SLC39A8: variants seen among roughly 807,000 people sequenced by gnomAD.
SLC39A8 encodes metal cation symporter ZIP8.
A neutral mutation model predicts 40.4 loss-of-function variants in SLC39A8; 15 were observed. The ratio of observed to expected loss-of-function variants is 0.37; its 90% CI spans 0.25 to 0.57. The LOEUF (loss-of-function observed/expected upper bound fraction) is 0.57, where lower values mean the gene tolerates loss of function less well. SLC39A8 is among the 20% of genes least tolerant of loss of function. The probability of loss-of-function intolerance (pLI) is 0.75; values close to 1 mark genes in which losing one functional copy is unlikely to be tolerated. For synonymous variants in SLC39A8, 223 were observed against 221.6 expected (o/e 1.01, Z -0.06); for missense variants, 472 against 558.8 (o/e 0.84, Z 1.57).
intron 2 of SLC39A8, among the ~76,000 whole-genome samples, chr4:102,329,007 G>A (rs1288076263): frequency 6.8e-6 from 1 of 147,496 alleles, no homozygotes; most frequent in East Asian, 2.0e-4. Context: ...CAGCTTGGGT[G>A]ACAGAGAGAG....
chr4:102,335,292 C>T (rs1735618916), intron 2 of SLC39A8, among the ~76,000 whole-genome samples: 1 of 152,122 alleles, frequency 6.6e-6, no homozygotes, highest in Admixed American at 6.5e-5. Flanking sequence ...GGAACTTTTG[C>T]CAAGCTCAGA....
At chr4:102,251,938 T>C (rs1309130671) in exon 12 of SLC39A8, 1 of 152,252 alleles carries the variant, frequency 6.6e-6, no homozygotes, top group Non-Finnish European at 1.5e-5. Flanking sequence ...GTAATTCAAA[T>C]AGTCAATATG....
chr4:102,326,452 T>G (rs1050010194), intron 2 of SLC39A8, among the ~76,000 whole-genome samples: 1 of 152,012 alleles, frequency 6.6e-6, no homozygotes, highest in African/African-American at 2.4e-5. Context: ...TCCCAGCTAC[T>G]CGGGAGGCTG....
intron 3 of SLC39A8, among the ~76,000 whole-genome samples, chr4:102,310,254 A>G (rs1431522121): frequency 1.3e-5 from 2 of 152,064 alleles, no homozygotes; most frequent in Non-Finnish European, 1.5e-5. Context: ...GATCTCCTCT[A>G]TGAAGCTTCC....
chr4:102,307,620 G>GA lies in SLC39A8; in HGVS notation c.383-16dup. On this transcript the variant is annotated splice_polypyrimidine_tract_variant and intron_variant, in intron 3 of 8. Coordinates refer to ENST00000356736, the MANE Select transcript of SLC39A8 (RefSeq NM_001135146.2). ...ATATCCCCAAACTGTGGGTCAGAGG[G>GA]AAAAGAGAGTAGAAATTAATCAGAG... The GA allele has an allele frequency of 1.2e-6, 2 of 1,606,810 alleles. No homozygotes were observed. Among genetic ancestry groups the GA allele is most frequent in the Non-Finnish European group, 1.7e-6 (2 of 1,176,764 alleles).
chr4:102,328,148 G>T (rs933585853), intron 2 of SLC39A8, among the ~76,000 whole-genome samples: 9 of 151,978 alleles, frequency 5.9e-5, no homozygotes, highest in Non-Finnish European at 1.0e-4. Context: ...ATTCTTTTAG[G>T]TTTTTTATGT....
At chr4:102,280,808 C>T (rs1241376222) in intron 6 of SLC39A8, among the ~76,000 whole-genome samples, 1 of 152,094 alleles carries the variant, frequency 6.6e-6, no homozygotes, top group East Asian at 1.9e-4. Context: ...AGAAACCTCG[C>T]AAGTTGTTTC....
downstream of SLC39A8, among the ~76,000 whole-genome samples, chr4:102,257,641 T>C (rs891766688): frequency 2.0e-5 from 3 of 152,156 alleles, no homozygotes; most frequent in African/African-American, 7.2e-5. Flanking sequence ...AAAAGCAGGA[T>C]ACAGAAGGGT....
chr4:102,304,663 TCTG>T (rs1379215932), intron 5 of SLC39A8, among the ~76,000 whole-genome samples, 182 bp from the exon 6 acceptor site: 4 of 151,918 alleles, frequency 2.6e-5, no homozygotes, highest in Admixed American at 1.3e-4. Context: ...TTTATTAGAT[TCTG>T]CTGTTACTGT....
chr4:102,262,991 G>GA lies in SLC39A8; in HGVS notation c.*52dup. 1 of 1,516,274 alleles carries GA rather than the reference G, an allele frequency of 6.6e-7. No individual in the cohort carries two copies. The highest frequency in any genetic ancestry group is 2.3e-5 in the East Asian group (1 of 42,702). The allele number at this position is 1,516,274 out of a possible 1,614,324, so 93.9% of individuals were successfully genotyped here. On this transcript the variant is annotated 3_prime_UTR_variant, in exon 9 of 9. Coordinates refer to ENST00000356736, the MANE Select transcript of SLC39A8 (RefSeq NM_001135146.2). ...GATCAGCTTCAAAATCCTTTTTGGA[G>GA]ATGTTTTTATCTATTAAATGCCTTT...
rs564697912 is a variant in SLC39A8 at position 102,327,784 on chromosome 4, G to T, written c.220-11954C>A. ...TGTAGATTAAGGAAAGAAGGTGAAT[G>T]AAAGGAGATTTCAAACTAGCACACT... On this transcript the variant is annotated intron_variant, in intron 2 of 8. Transcript: ENST00000356736. Among the ~76,000 whole-genome samples, 4 of 152,326 alleles carry T rather than the reference G, an allele frequency of 2.6e-5. No individual in the cohort carries two copies. The South Asian group carries it at 8.3e-4, about 32-fold the overall frequency.
chr4:102,293,505 G>T (rs999938186), intron 6 of SLC39A8, among the ~76,000 whole-genome samples: 6 of 151,948 alleles, frequency 3.9e-5, no homozygotes, highest in African/African-American at 1.4e-4. Flanking sequence ...AAACAATACT[G>T]GGAGAATTCA....
At chr4:102,333,395 C>A (rs1225249664) in intron 2 of SLC39A8, among the ~76,000 whole-genome samples, 1 of 152,046 alleles carries the variant, frequency 6.6e-6, no homozygotes, top group African/African-American at 2.4e-5. Context: ...CCCCATTACA[C>A]AAAGAGGATG....
chr4:102,324,384 ACTCCGG>A (rs1735106516), intron 2 of SLC39A8: 1 of 152,980 alleles, frequency 6.5e-6, no homozygotes, highest in African/African-American at 2.4e-5. Flanking sequence ...ACAAACCAAG[ACTCCGG>A]CTCAAGAAAG....
chr4:102,252,504 G>A (rs757954642), exon 12 of SLC39A8: 1 of 152,304 alleles, frequency 6.6e-6, no homozygotes, highest in South Asian at 2.1e-4. Context: ...CACTGGGGAG[G>A]GCTGACTTGG....
chr4:102,282,234 C>A (rs1183690590), intron 6 of SLC39A8, among the ~76,000 whole-genome samples: 1 of 152,150 alleles, frequency 6.6e-6, no homozygotes, highest in African/African-American at 2.4e-5. Context: ...AATGTAGTAG[C>A]ACTGTAGGCA....
chr4:102,254,689 C>A (rs1192367041), intron 11 of SLC39A8, among the ~76,000 whole-genome samples: 1 of 152,112 alleles, frequency 6.6e-6, no homozygotes, highest in Non-Finnish European at 1.5e-5. Context: ...AGATTCATAT[C>A]CTACATTAAA....
intron 11 of SLC39A8, among the ~76,000 whole-genome samples, chr4:102,255,959 A>G (rs1394368606): frequency 2.0e-5 from 3 of 152,222 alleles, no homozygotes; most frequent in Admixed American, 2.0e-4. Context: ...ATGCTTAGAC[A>G]TGAATTCTGA....
At chr4:102,280,070 G>C (rs1467038417) in intron 6 of SLC39A8, among the ~76,000 whole-genome samples, 1 of 152,198 alleles carries the variant, frequency 6.6e-6, no homozygotes, top group Admixed American at 6.5e-5. Flanking sequence ...TGGGGATCGG[G>C]ATATTTATTC....
Sources: allele counts gnomAD v4.1 joint callset (sites outside exome capture counted in the v4.1 genomes callset), GRCh38; gene constraint gnomAD v4.1.1; transcripts MANE v1.5; gene names NCBI Gene and HGNC (gene_info 2026-07-23, HGNC 2026-07-21).